PARD3: variants seen among roughly 807,000 people sequenced by gnomAD.
PARD3 encodes partitioning defective 3 homolog.
A neutral mutation model predicts 155.4 loss-of-function variants in PARD3; 75 were observed. The observed-to-expected ratio is 0.48, with a 90% CI of 0.40 to 0.58. The LOEUF (loss-of-function observed/expected upper bound fraction) is 0.58, where lower values mean the gene tolerates loss of function less well. PARD3 is among the 20% of genes least tolerant of loss of function. The pLI, the probability that PARD3 is intolerant of heterozygous loss-of-function variation, is 0.00. For missense variants in PARD3, 1,642 were observed against 1,721.7 expected (o/e 0.95, Z 0.82); for synonymous variants, 576 against 610.5 (o/e 0.94, Z 0.83).
intron 1 of PARD3, among the ~76,000 whole-genome samples, chr10:34,752,600 T>A (rs928722495): frequency 1.3e-5 from 2 of 151,198 alleles, no homozygotes; most frequent in African/African-American, 4.9e-5. Flanking sequence ...CATGGCACTG[T>A]GAAGTGTTTT....
intron 22 of PARD3, among the ~76,000 whole-genome samples, chr10:34,144,719 C>G (rs963411072): frequency 1.3e-5 from 2 of 152,186 alleles, no homozygotes; most frequent in Admixed American, 6.5e-5. Context: ...AATTCTGACT[C>G]CAAATTCCCA....
At chr10:34,133,395 C>T (rs1947720028) in intron 22 of PARD3, among the ~76,000 whole-genome samples, 1 of 152,206 alleles carries the variant, frequency 6.6e-6, no homozygotes. Context: ...TGAGGGGAGT[C>T]AGGGAACTCT....
chr10:34,792,351 C>CT (rs1266147967), intron 1 of PARD3, among the ~76,000 whole-genome samples: 1 of 152,192 alleles, frequency 6.6e-6, no homozygotes, highest in African/African-American at 2.4e-5. Context: ...TCCCAAAGCA[C>CT]TGGGACTTCA....
intron 22 of PARD3, among the ~76,000 whole-genome samples, chr10:34,155,011 T>G (rs1160948247): frequency 6.6e-6 from 1 of 152,104 alleles, no homozygotes; most frequent in Admixed American, 6.6e-5. Flanking sequence ...AGACAAGACA[T>G]TAAGTGATAA....
rs35263377 is a variant in PARD3, at chr10:34,375,053, A to AACACACACACACACAC, written c.1540-67_1540-52dup. The stretch of plus-strand genomic sequence containing the variant: ...TGTAATCCTGTGGAAACAACAGGAA[A>AACACACACACACACAC]ACACACACACACACACACACACACA... On this transcript the variant is annotated intron_variant, in intron 10 of 24. Transcript: ENST00000374788. 5.5e-4 allele frequency: 432 copies of AACACACACACACACAC among 783,576 alleles called. 2 individuals are homozygous for AACACACACACACACAC. The African/African-American group carries it at 7.3e-3, about 13-fold the overall frequency. 48.5% of individuals were successfully genotyped at this position (783,576 alleles called of 1,614,324 possible). A position where few individuals can be genotyped will look rare whatever the true frequency, so the allele number is the denominator to read the frequency against.
At chr10:34,459,252 C>T (rs12784987) in intron 4 of PARD3, among the ~76,000 whole-genome samples, 43,349 of 152,010 alleles carry the variant, frequency 0.29, 6,718 homozygotes, top group East Asian at 0.43. Flanking sequence ...CTGCAAGCAC[C>T]GCATCCCGGG....
At chr10:34,719,635 A>G (rs1643261993) in intron 1 of PARD3, among the ~76,000 whole-genome samples, 1 of 152,218 alleles carries the variant, frequency 6.6e-6, no homozygotes, top group African/African-American at 2.4e-5. Context: ...GATATCATAC[A>G]GCAAGCAGAT....
intron 2 of PARD3, among the ~76,000 whole-genome samples, chr10:34,648,603 TCA>T (rs1006628957): frequency 3.9e-5 from 6 of 152,140 alleles, no homozygotes; most frequent in African/African-American, 1.2e-4. Flanking sequence ...CCTAGATCCC[TCA>T]CACACAGTTC....
At chr10:34,240,611 G>C (rs769554087) in intron 22 of PARD3, among the ~76,000 whole-genome samples, 1 of 152,088 alleles carries the variant, frequency 6.6e-6, no homozygotes, top group Non-Finnish European at 1.5e-5. Context: ...GGTAAGGTGG[G>C]ATTTTTGGAT....
At chr10:34,515,612 TCTAA>T (rs1436726947) in intron 3 of PARD3, among the ~76,000 whole-genome samples, 2 of 152,218 alleles carry the variant, frequency 1.3e-5, no homozygotes, top group Non-Finnish European at 2.9e-5. Flanking sequence ...CTAACAGATC[TCTAA>T]CTGTTAAACT....
chr10:34,168,408 T>G (rs188848039), intron 22 of PARD3, among the ~76,000 whole-genome samples: 82 of 152,308 alleles, frequency 5.4e-4, no homozygotes, highest in African/African-American at 1.8e-3. Flanking sequence ...ATTTTTTGCC[T>G]TTAATCCAGA....
At chr10:34,437,198 A>G (rs929886128) in intron 5 of PARD3, among the ~76,000 whole-genome samples, 3 of 152,194 alleles carry the variant, frequency 2.0e-5, no homozygotes, top group Admixed American at 6.5e-5. Flanking sequence ...CCTAATGATA[A>G]TAAGGAATTG....
chr10:34,542,312 T>C (rs1589945935), intron 2 of PARD3, among the ~76,000 whole-genome samples: 1 of 151,880 alleles, frequency 6.6e-6, no homozygotes, highest in Non-Finnish European at 1.5e-5. Context: ...GCGTAGTGAT[T>C]CTCAATGAGG....
rs201445661 is a variant in PARD3 at position 34,583,850 on chromosome 10, AT to A, written c.223-66692del. Reference sequence around the variant, plus strand: ...AATTTTCTATCAGTTTAATGCTCCAATTTTTTTTTCCTACAAAATTGAAGAT... The same window carrying A: ...AATTTTCTATCAGTTTAATGCTCCAATTTTTTTTCCTACAAAATTGAAGAT... On this transcript the variant is annotated intron_variant, in intron 2 of 24. Coordinates refer to ENST00000374788, the MANE Select transcript of PARD3 (RefSeq NM_001184785.2). 5.9e-3 allele frequency among the ~76,000 whole-genome samples: 893 copies of A among 151,518 alleles called. 2 individuals are homozygous for A. Among genetic ancestry groups the A allele is most frequent in the African/African-American group, 0.02 (833 of 41,354 alleles).
intron 1 of PARD3, among the ~76,000 whole-genome samples, chr10:34,737,225 G>C (rs545515251): frequency 6.6e-6 from 1 of 152,308 alleles, no homozygotes; most frequent in South Asian, 2.1e-4. Context: ...TGAGGTCAAA[G>C]GTATCTCATG....
intron 7 of PARD3, among the ~76,000 whole-genome samples, chr10:34,395,061 G>A (rs1203401009): frequency 2.0e-5 from 3 of 152,104 alleles, no homozygotes; most frequent in African/African-American, 7.2e-5. Context: ...TTGAGACAGA[G>A]TCTCACTCTG....
At chr10:34,240,801 C>T (rs1307188503) in intron 22 of PARD3, among the ~76,000 whole-genome samples, 2 of 152,042 alleles carry the variant, frequency 1.3e-5, no homozygotes, top group Non-Finnish European at 2.9e-5. Flanking sequence ...AACAGTCCCT[C>T]CCACCAAGCA....
intron 2 of PARD3, among the ~76,000 whole-genome samples, chr10:34,616,224 C>G (rs1306072350): frequency 6.6e-6 from 1 of 151,792 alleles, no homozygotes; most frequent in Non-Finnish European, 1.5e-5. Context: ...GGCTGAGGCA[C>G]AAGAATTGTT....
chr10:34,353,728 A>AAAATAAAT (rs1043098677), intron 14 of PARD3, among the ~76,000 whole-genome samples: 1 of 105,968 alleles, frequency 9.4e-6, no homozygotes, highest in Non-Finnish European at 2.4e-5. Context: ...AATAAATAAA[A>AAAATAAAT]AAATAAATAA....
Sources: gnomAD v4.1 joint callset for allele counts (sites outside exome capture counted in the v4.1 genomes callset) on GRCh38, gnomAD v4.1.1 for gene constraint, MANE v1.5 for transcripts, NCBI Gene and HGNC (gene_info 2026-07-23, HGNC 2026-07-21) for gene names.